Variants in PARM1 observed in about 807,000 individuals in gnomAD.
The protein encoded by PARM1 is prostate androgen-regulated mucin-like protein 1, also known as WSC4, cell wall integrity and stress response component 4 homolog.
A neutral mutation model predicts 24.6 loss-of-function variants in PARM1; 14 were observed. The observed-to-expected ratio is 0.57, with a 90% confidence interval of 0.38 to 0.89. The LOEUF (loss-of-function observed/expected upper bound fraction) is 0.89. PARM1 is among the 40% of genes least tolerant of loss of function. PARM1 has a pLI of 0.00. For synonymous variants in PARM1, 179 were observed against 156.6 expected, an observed-to-expected ratio of 1.14 and a Z score of -1.07; for missense variants, 362 against 380.4, an observed-to-expected ratio of 0.95 and a Z score of 0.40.
Position 74,936,609 on chromosome 4 carries a change from A to G in PARM1, c.43+3239A>G, listed in dbSNP as rs562615296. Among the ~76,000 whole-genome samples the G allele has an allele frequency of 7.9e-5, 12 of 151,108 alleles. No individual in the cohort carries two copies. The East Asian group carries it at 2.4e-3, about 30-fold the overall frequency. ...ACTGGGACTACAGGCGCCCGCCACCACACCCGTCTAATTTTTTTTGTATTT... is the reference window on the plus strand; with the variant it reads ...ACTGGGACTACAGGCGCCCGCCACCGCACCCGTCTAATTTTTTTTGTATTT... On this transcript the variant is annotated intron_variant, in intron 1 of 3. Coordinates refer to ENST00000307428, the MANE Select transcript of PARM1 (RefSeq NM_015393.4).
intron 2 of PARM1, among the ~76,000 whole-genome samples, chr4:75,026,833 C>A (rs954134629): frequency 1.3e-5 from 2 of 152,138 alleles, no homozygotes; most frequent in Non-Finnish European, 2.9e-5. Context: ...TTTGTTCATG[C>A]TAATTTACAA....
intron 1 of PARM1, among the ~76,000 whole-genome samples, chr4:74,979,966 C>T (rs1235638506): frequency 6.6e-6 from 1 of 151,962 alleles, no homozygotes; most frequent in Non-Finnish European, 1.5e-5. Context: ...AAGAACATAC[C>T]TCAAAATAAT....
intron 3 of PARM1, among the ~76,000 whole-genome samples, chr4:75,036,486 GTGT>G (rs903341127): frequency 1.3e-5 from 2 of 152,154 alleles, no homozygotes; most frequent in African/African-American, 4.8e-5. Context: ...CTACCTTGTA[GTGT>G]TGTTTGGAAG....
rs954532862 is a variant in PARM1, at chr4:75,039,523, GA to G, written c.848+5571del. ...CACTTCAGCCTGCGTGACACAGCGAGAAAAAAAAATAAAATAAAATAAATAA... is the reference window on the plus strand; with the variant it reads ...CACTTCAGCCTGCGTGACACAGCGAGAAAAAAAATAAAATAAAATAAATAA... On this transcript the variant is annotated intron_variant, in intron 3 of 3. Coordinates refer to ENST00000307428, the MANE Select transcript of PARM1 (RefSeq NM_015393.4). 1.4e-4 allele frequency among the ~76,000 whole-genome samples: 21 copies of G among 151,018 alleles called. No individual in the cohort carries two copies. The South Asian group carries it at 3.6e-3, about 26-fold the overall frequency.
intron 1 of PARM1, among the ~76,000 whole-genome samples, chr4:74,947,255 T>G (rs1721428577): frequency 6.6e-6 from 1 of 152,086 alleles, no homozygotes. Context: ...TACAGAGGAC[T>G]GGGGAAGATG....
At chr4:74,961,952 C>G (rs1030757419) in intron 1 of PARM1, among the ~76,000 whole-genome samples, 1 of 152,100 alleles carries the variant, frequency 6.6e-6, no homozygotes, top group African/African-American at 2.4e-5. Context: ...TGGTTTGTAA[C>G]TCCACTTTAT....
chr4:74,997,765 G>C (rs1722602644), intron 1 of PARM1: 1 of 152,162 alleles, frequency 6.6e-6, no homozygotes, highest in African/African-American at 2.4e-5. Flanking sequence ...TGTATATTTG[G>C]GGTGTCACTG....
chr4:75,010,376 GT>G (rs1432184221), intron 1 of PARM1, among the ~76,000 whole-genome samples: 1 of 152,176 alleles, frequency 6.6e-6, no homozygotes, highest in African/African-American at 2.4e-5. Flanking sequence ...AAAGGGAGTT[GT>G]TTAATAGGCA....
intron 1 of PARM1, among the ~76,000 whole-genome samples, chr4:74,933,612 G>A (rs1721114336): frequency 6.6e-6 from 1 of 152,348 alleles, no homozygotes; most frequent in East Asian, 1.9e-4. Flanking sequence ...CTCCAGCTTT[G>A]TAGAACAGGT....
intron 1 of PARM1, among the ~76,000 whole-genome samples, chr4:74,942,455 G>C (rs143627505): frequency 6.6e-6 from 1 of 152,166 alleles, no homozygotes; most frequent in African/African-American, 2.4e-5. Flanking sequence ...TAGTTATCTC[G>C]AACTCAACAT....
chr4:74,949,150 A>T (rs1297214945), intron 1 of PARM1, among the ~76,000 whole-genome samples: 1 of 152,254 alleles, frequency 6.6e-6, no homozygotes, highest in Non-Finnish European at 1.5e-5. Context: ...AGACAAGTGA[A>T]TGCAATAGGG....
intron 1 of PARM1, among the ~76,000 whole-genome samples, chr4:74,960,300 TCTC>T (rs1721741310): frequency 6.6e-6 from 1 of 152,174 alleles, no homozygotes; most frequent in Non-Finnish European, 1.5e-5. Context: ...AATTTTTTCT[TCTC>T]CTCCTCCTAC....
intron 1 of PARM1, among the ~76,000 whole-genome samples, chr4:74,971,427 G>A (rs749051154): frequency 1.3e-5 from 2 of 152,106 alleles, no homozygotes; most frequent in Non-Finnish European, 2.9e-5. Flanking sequence ...TTTGAGTGGG[G>A]ATACAGCCAA....
intron 1 of PARM1, among the ~76,000 whole-genome samples, chr4:75,006,964 C>T (rs182067377): frequency 9.9e-5 from 15 of 151,948 alleles, no homozygotes; most frequent in East Asian, 1.9e-4. Flanking sequence ...AAAATTTTTG[C>T]GATCTACCCA....
chr4:75,038,822 G>T (rs1250284937), intron 3 of PARM1, among the ~76,000 whole-genome samples: 1 of 152,188 alleles, frequency 6.6e-6, no homozygotes, highest in Non-Finnish European at 1.5e-5. Flanking sequence ...AAACTGTTCA[G>T]CCAAGACATA....
At chr4:75,003,150 T>G (rs1722712336) in intron 1 of PARM1, among the ~76,000 whole-genome samples, 1 of 152,134 alleles carries the variant, frequency 6.6e-6, no homozygotes, top group African/African-American at 2.4e-5. Flanking sequence ...ATTGTCTCTC[T>G]TTCTCTCCAT....
At chr4:74,943,497 TAA>T (rs56709794) in intron 1 of PARM1, among the ~76,000 whole-genome samples, 1 of 143,934 alleles carries the variant, frequency 6.9e-6, no homozygotes, top group African/African-American at 2.5e-5. Flanking sequence ...CAAAAAGCTG[TAA>T]AAAAAAAAAA....
chr4:75,013,023 A>G lies in PARM1; in HGVS notation c.642A>G (p.Pro214=). The change falls in exon 2 of 4, where the codon CCA becomes CCG. Residue 214 remains proline, a synonymous_variant. Transcript: ENST00000307428. ...HTPTSHATAE[P]VPQEKTPPTT... ...CCACTTCACATGCCACAGCTGAGCC[A>G]GTACCCCAGGAGAAAACACCCCCAA... is the stretch of plus-strand genomic sequence containing the variant. 1 of 1,614,040 alleles carries G rather than the reference A, an allele frequency of 6.2e-7. No homozygotes were observed. The highest frequency in any genetic ancestry group is 8.5e-7 in the Non-Finnish European group (1 of 1,179,892).
chr4:75,020,706 G>A (rs1160795898), intron 2 of PARM1, among the ~76,000 whole-genome samples: 8 of 152,140 alleles, frequency 5.3e-5, no homozygotes, highest in South Asian at 2.1e-4. Context: ...CCCTCCCCTC[G>A]CTCTCTGCAC....
Sources: gnomAD v4.1 joint callset for allele counts (sites outside exome capture counted in the v4.1 genomes callset) on GRCh38, gnomAD v4.1.1 for gene constraint, MANE v1.5 for transcripts, NCBI Gene and HGNC (gene_info 2026-07-23, HGNC 2026-07-21) for gene names.